Variants in NFKB1 observed in about 807,000 individuals in gnomAD.
NFKB1 encodes the protein nuclear factor kappa B subunit 1, also known as nuclear factor NF-kappa-B p105 subunit.
Under a neutral mutation model 105.1 loss-of-function variants are expected in NFKB1, and 9 were observed. The observed-to-expected ratio is 0.09, with a 90% CI of 0.05 to 0.15. NFKB1 has a LOEUF of 0.15. Ranked by LOEUF, NFKB1 falls within the 10% of genes least tolerant of loss-of-function variation. The pLI is 1.00. For missense variants in NFKB1, 830 were observed against 1,203.7 expected (o/e 0.69, Z 4.59); for synonymous variants, 440 against 442.2 (o/e 1.00, Z 0.06).
At chr4:102,577,878 C>G (rs1333409462) in intron 7 of NFKB1, 2 of 985,300 alleles carry the variant, frequency 2.0e-6, no homozygotes, top group Non-Finnish European at 2.4e-6. Context: ...CTCCCCACTT[C>G]TAATCAAGTT....
At position 102,607,657 on chromosome 4, in the gene NFKB1, C is replaced by T. The variant is rs771637946; in HGVS notation, c.2133C>T (p.Ala711=). ...LAGCLLLEGD[A]HVDSTTYDGT... ...TGTGGGCTGGATTGTAGGGTGATGCCCATGTGGACAGTACTACCTACGATG... is the reference window on the plus strand; with the variant it reads ...TGTGGGCTGGATTGTAGGGTGATGCTCATGTGGACAGTACTACCTACGATG... The change falls in exon 19 of 24, where the codon GCC becomes GCT. Residue 711 remains alanine, a synonymous_variant. Transcript: ENST00000226574. The T allele has an allele frequency of 5.0e-6, 8 of 1,613,986 alleles. 1 individual carries two copies. The South Asian group carries it at 8.8e-5, about 18-fold the overall frequency.
chr4:102,605,688 T>G (rs1727654534), intron 16 of NFKB1, among the ~76,000 whole-genome samples: 1 of 152,250 alleles, frequency 6.6e-6, no homozygotes, highest in South Asian at 2.1e-4. Flanking sequence ...TTTAAGTACC[T>G]ATTAGGTATC....
Position 102,576,861 on chromosome 4 carries a change from CTGTTTTT to C in NFKB1, c.408-13_408-7del. 1 of 1,599,476 alleles carries C rather than the reference CTGTTTTT, an allele frequency of 6.3e-7. No individual in the cohort carries two copies. The highest frequency in any genetic ancestry group is 8.5e-7 in the Non-Finnish European group (1 of 1,174,222). ...TTGGTTGTTGTTGCTGCTGCTGTTACTGTTTTTTCTCCAGCTTCGCAAACCTGGGTAT... is the reference window on the plus strand; with the variant it reads ...TTGGTTGTTGTTGCTGCTGCTGTTACTCTCCAGCTTCGCAAACCTGGGTAT... On this transcript the variant is annotated splice_polypyrimidine_tract_variant and splice_region_variant and intron_variant, in intron 6 of 23. Transcript: ENST00000226574.
intron 21 of NFKB1, 107 bp downstream of exon 21, chr4:102,612,217 C>A: frequency 8.8e-7 from 1 of 1,130,126 alleles, no homozygotes; most frequent in Non-Finnish European, 1.3e-6. Context: ...GTTCTTATTT[C>A]AGAACCAAAA....
chr4:102,525,140 G>A (rs997994656), intron 1 of NFKB1, among the ~76,000 whole-genome samples: 1 of 152,068 alleles, frequency 6.6e-6, no homozygotes, highest in Non-Finnish European at 1.5e-5. Flanking sequence ...TACACTTAAG[G>A]AACTAAGACT....
In NFKB1 at chr4:102,602,700, G is replaced by T. The variant is rs974788009; in HGVS notation, c.1752+1691G>T. On this transcript the variant is annotated intron_variant, in intron 16 of 23. Transcript: ENST00000226574. ...TTCATTCAATATAAGTCACCATTAG[G>T]CTTCTTCACTGGCTCTTGTGCTTCT... Among the ~76,000 whole-genome samples the T allele has an allele frequency of 2.0e-5, 3 of 152,116 alleles. 1 individual carries two copies. Among genetic ancestry groups the T allele is most frequent in the African/African-American group, 7.2e-5 (3 of 41,420 alleles).
At chr4:102,566,139 T>C (rs555199355) in intron 5 of NFKB1, among the ~76,000 whole-genome samples, 63 of 152,294 alleles carry the variant, frequency 4.1e-4, no homozygotes, top group African/African-American at 1.4e-3. Context: ...GCTAGGTGAC[T>C]AAGAAGAAGA....
intron 19 of NFKB1, among the ~76,000 whole-genome samples, chr4:102,609,940 C>G (rs1403960300): frequency 6.6e-6 from 1 of 152,178 alleles, no homozygotes; most frequent in Non-Finnish European, 1.5e-5. Context: ...TAGCTCTAGT[C>G]TTTGAGTTAC....
At chr4:102,612,668 G>A in intron 22 of NFKB1, 62 bp downstream of exon 22, 1 of 1,448,582 alleles carries the variant, frequency 6.9e-7, no homozygotes, top group Non-Finnish European at 9.6e-7. Context: ...AACATCTCTG[G>A]CCAGGGCATA....
intron 4 of NFKB1, among the ~76,000 whole-genome samples, chr4:102,534,115 A>G (rs1160998993): frequency 6.6e-6 from 1 of 152,212 alleles, no homozygotes; most frequent in Non-Finnish European, 1.5e-5. Context: ...AGTTAATTAC[A>G]GTATTAGAAT....
At chr4:102,572,432 A>T (rs1432444588) in intron 6 of NFKB1, among the ~76,000 whole-genome samples, 1 of 152,214 alleles carries the variant, frequency 6.6e-6, no homozygotes, top group African/African-American at 2.4e-5. Flanking sequence ...CATATGTAAC[A>T]AACCTGCACA....
At chr4:102,539,236 CAAAA>C (rs550342036) in intron 5 of NFKB1, among the ~76,000 whole-genome samples, 1 of 95,642 alleles carries the variant, frequency 1.0e-5, no homozygotes, top group African/African-American at 3.8e-5. Flanking sequence ...GACTCTGTCT[CAAAA>C]AAAAAAAAAA....
chr4:102,530,989 T>C (rs752719624), intron 3 of NFKB1, among the ~76,000 whole-genome samples: 1 of 152,194 alleles, frequency 6.6e-6, no homozygotes, highest in Non-Finnish European at 1.5e-5. Flanking sequence ...GTCAGCTTCC[T>C]GTGAACAAGT....
intron 22 of NFKB1, 32 bp from the exon 23 acceptor site, chr4:102,613,393 G>T: frequency 3.1e-6 from 5 of 1,608,462 alleles, no homozygotes; most frequent in South Asian, 1.1e-5. Context: ...TCGAACACAA[G>T]AACATGCTCC....
intron 5 of NFKB1, among the ~76,000 whole-genome samples, chr4:102,546,846 A>T (rs1349965422): frequency 6.6e-6 from 1 of 152,194 alleles, no homozygotes; most frequent in Non-Finnish European, 1.5e-5. Flanking sequence ...CCTAGGGGGA[A>T]TCAGAAGATA....
At chr4:102,568,498 T>C (rs1436834589) in intron 6 of NFKB1, among the ~76,000 whole-genome samples, 2 of 152,172 alleles carry the variant, frequency 1.3e-5, no homozygotes, top group African/African-American at 4.8e-5. Flanking sequence ...ATCACAGTTT[T>C]AGACTGATTG....
chr4:102,604,570 T>C (rs933382261), intron 16 of NFKB1, among the ~76,000 whole-genome samples: 1 of 152,050 alleles, frequency 6.6e-6, no homozygotes, highest in East Asian at 1.9e-4. Context: ...TACATGTTAC[T>C]GTATTTCTGC....
chr4:102,607,501 C>G, intron 18 of NFKB1, 148 bp from the exon 19 acceptor site: 2 of 1,101,078 alleles, frequency 1.8e-6, no homozygotes, highest in South Asian at 2.8e-5. Context: ...CTTGGCATCT[C>G]TAACTGGGGA....
At position 102,582,870 on chromosome 4, in the gene NFKB1, C is replaced by T; in HGVS notation, c.840C>T (p.Asp280=). 6 of 1,607,918 alleles carry T rather than the reference C, an allele frequency of 3.7e-6. No individual in the cohort carries two copies. Among genetic ancestry groups the T allele is most frequent in the East Asian group, 2.2e-5 (1 of 44,824 alleles). Residue 280 remains aspartate, a synonymous_variant, in exon 10 of 24, where the codon GAC becomes GAT. Transcript: ENST00000226574. ...YLLCDKVQKD[D]IQIRFYEEEE... is the part of the protein sequence containing the mutation. ...CTTCAATGTGATTGTTTGCAGATGA[C>T]ATCCAGATTCGATTTTATGAAGAGG... is the stretch of plus-strand genomic sequence containing the variant.
Sources: gnomAD v4.1 joint callset for allele counts (sites outside exome capture counted in the v4.1 genomes callset) on GRCh38, gnomAD v4.1.1 for gene constraint, MANE v1.5 for transcripts, NCBI Gene and HGNC (gene_info 2026-07-23, HGNC 2026-07-21) for gene names.